Variants in PDGFD observed in about 807,000 individuals in gnomAD.
The protein encoded by PDGFD is platelet derived growth factor D, also known as platelet-derived growth factor D.
Under a neutral mutation model 44.7 loss-of-function variants are expected in PDGFD, and 30 were observed. The observed-to-expected ratio is 0.67, with a 90% CI of 0.50 to 0.91. The LOEUF is 0.91. Ranked by LOEUF, PDGFD falls within the 40% of genes least tolerant of loss-of-function variation. The pLI, the probability that PDGFD is intolerant of heterozygous loss-of-function variation, is 0.00. For synonymous variants in PDGFD, 173 were observed against 168.4 expected, an observed-to-expected ratio of 1.03 and a Z score of -0.21; for missense variants, 445 against 457.8, an observed-to-expected ratio of 0.97 and a Z score of 0.25.
intron 3 of PDGFD, among the ~76,000 whole-genome samples, chr11:103,962,719 A>C (rs1242852611): frequency 6.6e-6 from 1 of 152,202 alleles, no homozygotes; most frequent in African/African-American, 2.4e-5. Context: ...ACCTTAGGCA[A>C]GGTAAAGCCT....
chr11:104,083,143 A>C (rs1861071615), intron 1 of PDGFD, among the ~76,000 whole-genome samples: 2 of 152,206 alleles, frequency 1.3e-5, no homozygotes, highest in African/African-American at 2.4e-5. Flanking sequence ...TAGAAAATAA[A>C]ATTTAAATCC....
At chr11:104,051,551 C>T (rs1860537328) in intron 1 of PDGFD, among the ~76,000 whole-genome samples, 1 of 151,680 alleles carries the variant, frequency 6.6e-6, no homozygotes, top group African/African-American at 2.4e-5. Flanking sequence ...TACAGAGGTC[C>T]CTGGGAAGAT....
rs1859529067 is a variant in PDGFD at position 103,995,996 on chromosome 11, T to C, written c.510+69A>G. On this transcript the variant is annotated intron_variant, in intron 3 of 6. Transcript: ENST00000393158. ...CACTCACCCTCACTGAATTTGATCA[T>C]AGAAAATTGATCTCTACACTTCATG... 5.8e-6 allele frequency: 8 copies of C among 1,377,310 alleles called. No homozygotes were observed. The South Asian group carries it at 6.8e-5, about 12-fold the overall frequency. 85.3% of individuals were successfully genotyped at this position (1,377,310 alleles called of 1,614,324 possible).
chr11:104,037,918 T>G, intron 1 of PDGFD: 1 of 1,613,530 alleles, frequency 6.2e-7, no homozygotes, highest in Non-Finnish European at 8.5e-7. Flanking sequence ...TGAGGGAGAG[T>G]TGCCCTTATG....
intron 6 of PDGFD, among the ~76,000 whole-genome samples, chr11:103,912,823 G>A (rs1264688821): frequency 2.6e-5 from 4 of 151,816 alleles, no homozygotes; most frequent in African/African-American, 7.3e-5. Context: ...AAAAAGCAGG[G>A]GTTGCAATCC....
At chr11:104,119,707 ATAT>A (rs1289317978) in intron 1 of PDGFD, among the ~76,000 whole-genome samples, 4 of 99,240 alleles carry the variant, frequency 4.0e-5, no homozygotes, top group Non-Finnish European at 5.3e-5. Context: ...ATATCTATTA[ATAT>A]TATAATATAA....
At chr11:103,994,970 C>T (rs1859514471) in intron 3 of PDGFD, among the ~76,000 whole-genome samples, 1 of 151,304 alleles carries the variant, frequency 6.6e-6, no homozygotes, top group Non-Finnish European at 1.5e-5. Context: ...GCTTCAAACT[C>T]CTGGGCTCAA....
chr11:104,116,823 G>C (rs1401625538), intron 1 of PDGFD, among the ~76,000 whole-genome samples: 1 of 151,914 alleles, frequency 6.6e-6, no homozygotes, highest in Non-Finnish European at 1.5e-5. Flanking sequence ...AGTCTCACAA[G>C]ATCTGATGGG....
intron 3 of PDGFD, among the ~76,000 whole-genome samples, chr11:103,966,947 A>C (rs540243812): frequency 6.6e-6 from 1 of 152,024 alleles, no homozygotes. Context: ...GAGAGCTCAC[A>C]CTCTGAAAAC....
chr11:104,016,718 C>T (rs1285329733), intron 1 of PDGFD, among the ~76,000 whole-genome samples: 1 of 152,212 alleles, frequency 6.6e-6, no homozygotes, highest in Non-Finnish European at 1.5e-5. Context: ...ACGAATGCTA[C>T]TTTAACACGG....
At chr11:103,962,961 T>A (rs1478571465) in intron 3 of PDGFD, among the ~76,000 whole-genome samples, 2 of 152,052 alleles carry the variant, frequency 1.3e-5, no homozygotes, top group Admixed American at 1.3e-4. Flanking sequence ...AATTCTAGAG[T>A]CAGACTCTGC....
chr11:104,119,658 T>C (rs1861735200), intron 1 of PDGFD, among the ~76,000 whole-genome samples: 1 of 3,502 alleles, frequency 2.9e-4, no homozygotes, highest in Non-Finnish European at 0.017. Flanking sequence ...TAGATATATA[T>C]AATTATATAT....
intron 1 of PDGFD, among the ~76,000 whole-genome samples, chr11:104,077,921 A>G (rs1280030726): frequency 6.6e-6 from 1 of 152,044 alleles, no homozygotes; most frequent in Admixed American, 6.6e-5. Flanking sequence ...AAATGTACAG[A>G]CCTCAGCAGG....
At chr11:104,078,288 T>C (rs978466109) in intron 1 of PDGFD, among the ~76,000 whole-genome samples, 1 of 152,240 alleles carries the variant, frequency 6.6e-6, no homozygotes, top group Non-Finnish European at 1.5e-5. Flanking sequence ...GCTGGTTACA[T>C]GGACATCTTC....
chr11:103,934,835 T>C (rs137898500), intron 5 of PDGFD, among the ~76,000 whole-genome samples: 1,730 of 152,232 alleles, frequency 0.011, 39 homozygotes, highest in African/African-American at 0.038. Flanking sequence ...CAATTCAAGA[T>C]GAGATTTGGG....
intron 5 of PDGFD, among the ~76,000 whole-genome samples, chr11:103,932,936 A>C (rs1446068670): frequency 6.6e-6 from 1 of 152,180 alleles, no homozygotes; most frequent in Non-Finnish European, 1.5e-5. Context: ...TAGAATTAAG[A>C]AACTAGGATT....
chr11:104,151,736 C>A (rs1862248432), intron 1 of PDGFD, among the ~76,000 whole-genome samples: 1 of 152,054 alleles, frequency 6.6e-6, no homozygotes, highest in South Asian at 2.1e-4. Context: ...ACTTCTGGTC[C>A]TAAAATTAAA....
At chr11:104,082,689 T>C (rs1035525190) in intron 1 of PDGFD, among the ~76,000 whole-genome samples, 1 of 152,112 alleles carries the variant, frequency 6.6e-6, no homozygotes, top group Non-Finnish European at 1.5e-5. Flanking sequence ...TGGAGTGCAG[T>C]GGTGTGATCA....
intron 3 of PDGFD, among the ~76,000 whole-genome samples, chr11:103,953,451 G>A (rs1591091953): frequency 6.6e-6 from 1 of 152,130 alleles, no homozygotes; most frequent in Non-Finnish European, 1.5e-5. Context: ...GTTGATATTG[G>A]TTAGCACTGA....
Sources: gnomAD v4.1 joint callset for allele counts (sites outside exome capture counted in the v4.1 genomes callset) on GRCh38, gnomAD v4.1.1 for gene constraint, MANE v1.5 for transcripts, NCBI Gene and HGNC (gene_info 2026-07-23, HGNC 2026-07-21) for gene names.